PAK4: variants seen among roughly 807,000 people sequenced by gnomAD.
PAK4 encodes the protein serine/threonine-protein kinase PAK 4.
PAK4 carries 49 observed loss-of-function variants against 53.5 expected under a neutral mutation model. The observed-to-expected ratio is 0.92, with a 90% CI of 0.73 to 1.16. PAK4 has a LOEUF of 1.16. Ranked by LOEUF, PAK4 falls within the 50% of genes most tolerant of loss-of-function variation. The pLI is 0.00. For synonymous variants in PAK4, 376 were observed against 375.6 expected, an observed-to-expected ratio of 1.00 and a Z score of -0.01; for missense variants, 824 against 850.7, an observed-to-expected ratio of 0.97 and a Z score of 0.39.
chr19:39,159,039 T>C (rs1302347830), intron 1 of PAK4, among the ~76,000 whole-genome samples: 1 of 152,162 alleles, frequency 6.6e-6, no homozygotes, highest in Admixed American at 6.5e-5. Context: ...ACATGTGTCG[T>C]CTTATTCGCT....
intron 1 of PAK4, among the ~76,000 whole-genome samples, chr19:39,145,836 A>G (rs2073990714): frequency 6.8e-6 from 1 of 148,116 alleles, no homozygotes; most frequent in African/African-American, 2.5e-5. Context: ...CCAGGCTCAC[A>G]CAGCCTTTCT....
intron 1 of PAK4, among the ~76,000 whole-genome samples, chr19:39,128,187 A>G (rs145212498): frequency 1.3e-5 from 2 of 152,220 alleles, no homozygotes; most frequent in African/African-American, 4.8e-5. Flanking sequence ...GCGCTGCCTC[A>G]TAGAATTGCT....
At chr19:39,152,949 T>C (rs1213211600) in intron 1 of PAK4, among the ~76,000 whole-genome samples, 1 of 152,146 alleles carries the variant, frequency 6.6e-6, no homozygotes, top group Non-Finnish European at 1.5e-5. Flanking sequence ...TCCGCGGTTA[T>C]GGAGGGCTGA....
chr19:39,158,868 C>G (rs1199064163), intron 1 of PAK4, among the ~76,000 whole-genome samples: 1 of 152,174 alleles, frequency 6.6e-6, no homozygotes, highest in African/African-American at 2.4e-5. Flanking sequence ...GAAGGTAAGA[C>G]TAGCATATTT....
Position 39,172,975 on chromosome 19 carries a change from G to T in PAK4, c.262G>T (p.Glu88Ter). 1 of 1,548,472 alleles carries T rather than the reference G, an allele frequency of 6.5e-7. No individual in the cohort carries two copies. Among genetic ancestry groups the T allele is most frequent in the Non-Finnish European group, 8.7e-7 (1 of 1,145,468 alleles). The change falls in exon 3 of 9, where the codon GAG becomes TAG. Residue 88 changes from glutamate to a stop codon, truncating the protein, a stop_gained. Transcript: ENST00000358301. LOFTEE classifies it high-confidence loss of function. ...TGGGGCCCTCACGCTGCTGCTGGAC[G>T]AGTTTGAGAACATGTCGGTGACACG...
At chr19:39,145,856 C>T (rs1156962203) in intron 1 of PAK4, among the ~76,000 whole-genome samples, 1 of 152,098 alleles carries the variant, frequency 6.6e-6, no homozygotes, top group Non-Finnish European at 1.5e-5. Context: ...TTGGAGAGGC[C>T]CTCTGGCGGG....
intron 1 of PAK4, 78 bp from the exon 3 acceptor site, chr19:39,169,454 T>C (rs2074434391): frequency 1.9e-6 from 2 of 1,038,046 alleles, no homozygotes; most frequent in Non-Finnish European, 3.0e-6. Context: ...AAGATGAGGA[T>C]GGGAGGGACA....
At chr19:39,139,844 G>A (rs1178286735) in intron 1 of PAK4, among the ~76,000 whole-genome samples, 4 of 152,062 alleles carry the variant, frequency 2.6e-5, no homozygotes, top group East Asian at 3.9e-4. Context: ...CTCCCCTGGC[G>A]ACTCTGACAT....
At chr19:39,146,343 GCCT>G (rs1285527714) in intron 1 of PAK4, among the ~76,000 whole-genome samples, 1 of 152,204 alleles carries the variant, frequency 6.6e-6, no homozygotes. Context: ...ATCAAGGAAG[GCCT>G]CCTGGAGGAG....
At position 39,175,377 on chromosome 19, in the gene PAK4, C is replaced by T. The variant is rs1453816270; in HGVS notation, c.1298C>T (p.Ala433Val). The change falls in exon 6 of 9, where the codon GCC becomes GTC. Residue 433 changes from alanine to valine, a missense_variant. Coordinates refer to ENST00000358301, the Ensembl canonical transcript of PAK4. The surrounding 1 kb of genome is among the most constrained non-coding windows in gnomAD (Gnocchi z 4.7). ...CTGCAGGCCCTGTCGGTGCTCCACG[C>T]CCAGGGCGTCATCCACCGGGACATC... The T allele has an allele frequency of 8.7e-6, 14 of 1,609,652 alleles. No individual in the cohort carries two copies. The highest frequency in any genetic ancestry group is 1.3e-5 in the African/African-American group (1 of 74,900).
intron 1 of PAK4, among the ~76,000 whole-genome samples, chr19:39,148,846 A>G (rs965640516): frequency 7.3e-5 from 11 of 151,712 alleles, no homozygotes; most frequent in African/African-American, 2.7e-4. Context: ...TAAGTTTTGG[A>G]TTAAACTTCT....
chr19:39,140,539 G>T (rs546575037), intron 1 of PAK4, among the ~76,000 whole-genome samples: 31 of 152,322 alleles, frequency 2.0e-4, no homozygotes, highest in Middle Eastern at 3.4e-3. Context: ...TTGTGGGTAG[G>T]ACTGCCTGTC....
intron 2 of PAK4, 39 bp from the exon 4 acceptor site, chr19:39,172,879 C>G (rs1352856108): frequency 6.7e-7 from 1 of 1,484,234 alleles, no homozygotes; most frequent in Non-Finnish European, 9.1e-7. Flanking sequence ...GTGCCCCACT[C>G]CTTGCTGGGC....
chr19:39,150,227 G>T (rs560231696), intron 1 of PAK4, among the ~76,000 whole-genome samples: 1 of 152,000 alleles, frequency 6.6e-6, no homozygotes, highest in Non-Finnish European at 1.5e-5. Context: ...TTGCTGCAGC[G>T]CTGGGAGAGG....
chr19:39,158,868 C>T (rs1199064163), intron 1 of PAK4, among the ~76,000 whole-genome samples: 1 of 152,174 alleles, frequency 6.6e-6, no homozygotes. Flanking sequence ...GAAGGTAAGA[C>T]TAGCATATTT....
chr19:39,173,477 C>A lies in PAK4; in HGVS notation c.664-99C>A. On this transcript the variant is annotated intron_variant, in intron 3 of 8. Transcript: ENST00000358301. This position sits in a 1 kb window ranked among gnomAD's most constrained non-coding sequence, Gnocchi z 6.9. The stretch of plus-strand genomic sequence containing the variant: ...CCACCACCGTGCATCTCATCCTGAC[C>A]ACCCATGTGTCTGTCCCATCGCTGG... The A allele has an allele frequency of 1.5e-6, 2 of 1,338,764 alleles. No individual in the cohort carries two copies. Among genetic ancestry groups the A allele is most frequent in the Non-Finnish European group, 2.0e-6 (2 of 984,158 alleles). 82.9% of individuals were successfully genotyped at this position (1,338,764 alleles called of 1,614,324 possible).
Position 39,173,914 on chromosome 19 carries a change from C to G in PAK4, c.1002C>G (p.Ile334Met). The change falls in exon 4 of 9, where the codon ATC becomes ATG. Residue 334 changes from isoleucine to methionine, a missense_variant. Transcript: ENST00000358301. The surrounding 1 kb of genome is among the most constrained non-coding windows in gnomAD (Gnocchi z 6.9). ...AGATTGGCGAGGGCTCCACGGGCAT[C>G]GTGTGCATCGCCACCGTGCGCAGCT... is the stretch of plus-strand genomic sequence containing the variant. The G allele has an allele frequency of 6.2e-7, 1 of 1,611,896 alleles. No homozygotes were observed.
chr19:39,132,735 C>A (rs934923653), intron 1 of PAK4, among the ~76,000 whole-genome samples: 2 of 152,242 alleles, frequency 1.3e-5, no homozygotes, highest in African/African-American at 4.8e-5. Context: ...GTGTTTCACC[C>A]TGCTGGGGAG....
At chr19:39,157,271 CGT>C (rs2074201524) in intron 1 of PAK4, among the ~76,000 whole-genome samples, 1 of 151,888 alleles carries the variant, frequency 6.6e-6, no homozygotes, top group Non-Finnish European at 1.5e-5. Flanking sequence ...TTCCTAGGTG[CGT>C]GTGTGTCCTG....
Sources: gnomAD v4.1 joint callset for allele counts (sites outside exome capture counted in the v4.1 genomes callset) on GRCh38, gnomAD v4.1.1 for gene constraint, Gnocchi (gnomAD v3.1) non-coding constraint, MANE v1.5 for transcripts, NCBI Gene and HGNC (gene_info 2026-07-23, HGNC 2026-07-21) for gene names.